The following TMCO4 variants were observed in gnomAD, a reference collection of about 807,000 sequenced individuals.
TMCO4 encodes transmembrane and coiled-coil domain-containing protein 4.
TMCO4 carries 58 observed loss-of-function variants against 64.7 expected under a neutral mutation model. The observed-to-expected ratio is 0.90, with a 90% CI of 0.73 to 1.12. The LOEUF (loss-of-function observed/expected upper bound fraction) is 1.12, where lower values mean the gene tolerates loss of function less well. TMCO4 is among the 50% of genes most tolerant of loss of function. The pLI is 0.00. For synonymous variants in TMCO4, 325 were observed against 346.1 expected (o/e 0.94, Z 0.68); for missense variants, 780 against 825.9 (o/e 0.94, Z 0.68).
chr1:19,683,305 G>A lies in TMCO4; in HGVS notation c.1640C>T (p.Ala547Val). ...CLPSEEPRQA[A>V]AAASSGETPH... ...GGTCTCGCCTGATGAGGCGGCAGCT[G>A]CTGCCTGGCGAGGCTCCTCGGAGGG... is the stretch of plus-strand genomic sequence containing the variant. The change falls in exon 16 of 16, where the codon GCA becomes GTA. Residue 547 changes from alanine to valine, a missense_variant. Ala to Val is a moderately conservative substitution (Grantham distance 64). Coordinates refer to ENST00000294543, the MANE Select transcript of TMCO4 (RefSeq NM_181719.7). The A allele has an allele frequency of 6.2e-7, 1 of 1,614,032 alleles. No homozygotes were observed. The highest frequency in any genetic ancestry group is 8.5e-7 in the Non-Finnish European group (1 of 1,179,948).
Position 19,745,562 on chromosome 1 carries a change from C to T in TMCO4, c.847G>A (p.Val283Ile), listed in dbSNP as rs749302097. 13 of 1,614,050 alleles carry T rather than the reference C, an allele frequency of 8.1e-6. No individual in the cohort carries two copies. The highest frequency in any genetic ancestry group is 2.2e-5 in the East Asian group (1 of 44,882). The stretch of plus-strand genomic sequence containing the variant: ...TTGCCAGAAGCGAGCCACCCCGTGA[C>T]GGCGATGGTGATGTGCAGCTGCCTG... ...EGRQLHITIA[V>I]TGWLASGKYR... Residue 283 changes from valine to isoleucine, a missense_variant, in exon 10 of 16, where the codon GTC (valine) becomes ATC (isoleucine). Coordinates refer to ENST00000294543, the MANE Select transcript of TMCO4 (RefSeq NM_181719.7).
intron 13 of TMCO4, among the ~76,000 whole-genome samples, chr1:19,722,670 G>A (rs745946059): frequency 2.0e-5 from 3 of 152,172 alleles, no homozygotes; most frequent in South Asian, 4.1e-4. Flanking sequence ...GCTACAGCAG[G>A]TGGTAGGAAA....
chr1:19,682,443 T>C lies in TMCO4; in HGVS notation c.*597A>G. The C allele has an allele frequency of 3.4e-6, 2 of 590,814 alleles. No individual in the cohort carries two copies. Among genetic ancestry groups the C allele is most frequent in the South Asian group, 2.1e-5 (1 of 48,716 alleles). 36.6% of individuals were successfully genotyped at this position (590,814 alleles called of 1,614,324 possible). A position where few individuals can be genotyped will look rare whatever the true frequency, so the allele number is the denominator to read the frequency against. ...ACTCACATTGTGTCTGTGTGACTCA[T>C]GTCCCTGGAGTTATGCAGCGCACAG... is the stretch of plus-strand genomic sequence containing the variant. On this transcript the variant is annotated 3_prime_UTR_variant, in exon 16 of 16. Coordinates refer to ENST00000294543, the MANE Select transcript of TMCO4 (RefSeq NM_181719.7).
At chr1:19,796,475 G>A (rs1460668131) in intron 2 of TMCO4, among the ~76,000 whole-genome samples, 2 of 152,060 alleles carry the variant, frequency 1.3e-5, no homozygotes, top group Non-Finnish European at 2.9e-5. Flanking sequence ...GAAGCCCAGG[G>A]CACCAGGGAT....
At chr1:19,728,768 G>A (rs566053782) in intron 13 of TMCO4, among the ~76,000 whole-genome samples, 1 of 152,346 alleles carries the variant, frequency 6.6e-6, no homozygotes, top group South Asian at 2.1e-4. Context: ...CACCCTCAGA[G>A]CCTGCCCCAC....
At chr1:19,789,571 G>A (rs931669483) in intron 2 of TMCO4, among the ~76,000 whole-genome samples, 5 of 151,982 alleles carry the variant, frequency 3.3e-5, no homozygotes, top group Non-Finnish European at 5.9e-5. Flanking sequence ...TTAGCATTTC[G>A]GTCATGAGCT....
Position 19,700,869 on chromosome 1 carries a change from G to C in TMCO4, c.1281C>G (p.Ile427Met), listed in dbSNP as rs200574088. Residue 427 changes from isoleucine to methionine, a missense_variant, in exon 14 of 16, where the codon ATC (isoleucine) becomes ATG (methionine). By Grantham distance (10) the Ile-to-Met change is conservative (BLOSUM62 1). Coordinates refer to ENST00000294543, the MANE Select transcript of TMCO4 (RefSeq NM_181719.7). ...MAQEKDCQGI[I>M]EDVILLGAPV... is the part of the protein sequence containing the mutation. ...GCGCACCCAGCAGGATGACGTCCTC[G>C]ATGATTCCTTGGCAATCTGGCAAAA... The C allele has an allele frequency of 1.9e-6, 3 of 1,614,066 alleles. No homozygotes were observed. Among genetic ancestry groups the C allele is most frequent in the African/African-American group, 2.7e-5 (2 of 74,942 alleles).
rs142352343 is a variant in TMCO4 at position 19,771,324 on chromosome 1, G to A, written c.338C>T (p.Pro113Leu). ...LLKDPILKDDPTVITQDLLSF... is the reference protein window; with the variant it reads ...LLKDPILKDDLTVITQDLLSF... The stretch of plus-strand genomic sequence containing the variant: ...TGGGTGTACCTGAGTGATCACCGTC[G>A]GGTCGTCCTTCAAGATGGGGTCCTT... The change falls in exon 5 of 16, where the codon CCG becomes CTG. Residue 113 changes from proline (P) to leucine (L), a missense_variant. Physicochemically the swap from Pro to Leu is moderately conservative, Grantham distance 98. Coordinates refer to ENST00000294543, the MANE Select transcript of TMCO4 (RefSeq NM_181719.7). 5.7e-5 allele frequency: 92 copies of A among 1,613,968 alleles called. No homozygotes were observed. Among genetic ancestry groups the A allele is most frequent in the East Asian group, 6.7e-5 (3 of 44,886 alleles).
Position 19,732,794 on chromosome 1 carries a change from G to A in TMCO4, c.1264+4578C>T, listed in dbSNP as rs1376437682. Among the ~76,000 whole-genome samples, 1 of 152,270 alleles carries A rather than the reference G, an allele frequency of 6.6e-6. No homozygotes were observed. Among genetic ancestry groups the A allele is most frequent in the Admixed American group, 6.5e-5 (1 of 15,306 alleles). On this transcript the variant is annotated intron_variant, in intron 13 of 15. Coordinates refer to ENST00000294543, the MANE Select transcript of TMCO4 (RefSeq NM_181719.7). The surrounding 1 kb of genome is among the most constrained non-coding windows in gnomAD (Gnocchi z 4.8). The stretch of plus-strand genomic sequence containing the variant: ...TTTTTTCTGAAGGTGACTACAGGGG[G>A]AAAATGCCAGCTGCACTTTTGTCCA...
At chr1:19,799,714 TC>T in intron 1 of TMCO4, 140 bp downstream of exon 1, 1 of 152,166 alleles carries the variant, frequency 6.6e-6, no homozygotes, top group Non-Finnish European at 1.5e-5. Context: ...GGGTCCAGTG[TC>T]CCCGGGGTGG....
chr1:19,727,168 C>T (rs1177125414), intron 13 of TMCO4, among the ~76,000 whole-genome samples: 1 of 152,154 alleles, frequency 6.6e-6, no homozygotes, highest in African/African-American at 2.4e-5. Context: ...CCTGGTGGGT[C>T]AGCTTCTGCG....
At chr1:19,792,799 C>A (rs1339096318) in intron 2 of TMCO4, among the ~76,000 whole-genome samples, 2 of 80,782 alleles carry the variant, frequency 2.5e-5, no homozygotes, top group Admixed American at 3.8e-4. Context: ...CAGACAAAGT[C>A]TTGTTCTGTT....
chr1:19,770,842 G>A (rs1032288191), intron 5 of TMCO4, among the ~76,000 whole-genome samples: 5 of 152,218 alleles, frequency 3.3e-5, no homozygotes, highest in Non-Finnish European at 5.9e-5. Flanking sequence ...TGCTTTAACT[G>A]CAGGCATAGC....
chr1:19,763,795 C>T (rs1294266903), intron 6 of TMCO4, among the ~76,000 whole-genome samples: 1 of 152,220 alleles, frequency 6.6e-6, no homozygotes, highest in African/African-American at 2.4e-5. Flanking sequence ...GAAGAAACTA[C>T]ACAGTATTCC....
intron 2 of TMCO4, among the ~76,000 whole-genome samples, chr1:19,792,602 T>A (rs74058651): frequency 6.6e-6 from 1 of 152,114 alleles, no homozygotes; most frequent in Admixed American, 6.5e-5. Context: ...AAATCAAATA[T>A]GGTCAATACC....
chr1:19,748,523 A>G (rs2100896392), intron 7 of TMCO4, among the ~76,000 whole-genome samples: 1 of 152,224 alleles, frequency 6.6e-6, no homozygotes, highest in Non-Finnish European at 1.5e-5. Context: ...TTCTCCAGTC[A>G]TCTAAAAGAA....
chr1:19,729,618 T>C (rs1250928393), intron 13 of TMCO4, among the ~76,000 whole-genome samples: 1 of 151,698 alleles, frequency 6.6e-6, no homozygotes, highest in African/African-American at 2.4e-5. Context: ...ATACAAAAAT[T>C]AGCTGGGTGT....
rs745618130 is a variant in TMCO4, at chr1:19,740,806, TG to T, written c.1012del (p.Gln338ArgfsTer4). On this transcript the variant is annotated frameshift_variant, in exon 11 of 16. Coordinates refer to ENST00000294543, the MANE Select transcript of TMCO4 (RefSeq NM_181719.7). LOFTEE classifies it high-confidence loss of function. ...CAACACTGTGTACTTTAGGGCCTCC[TG>T]GGCCACCATGTTGGCGAGACCACTG... ...ILSGLANMVA[Q>X]EALKYTVLSG... 1 of 1,613,666 alleles carries T rather than the reference TG, an allele frequency of 6.2e-7. No homozygotes were observed. The highest frequency in any genetic ancestry group is 2.2e-5 in the East Asian group (1 of 44,886).
chr1:19,752,005 G>A (rs1347111373), intron 7 of TMCO4, among the ~76,000 whole-genome samples: 2 of 151,452 alleles, frequency 1.3e-5, no homozygotes, highest in African/African-American at 4.9e-5. Flanking sequence ...CCGAGATGGC[G>A]CCACTGCACT....
Sources: allele counts gnomAD v4.1 joint callset (sites outside exome capture counted in the v4.1 genomes callset), GRCh38; gene constraint gnomAD v4.1.1; non-coding constraint Gnocchi (gnomAD v3.1); transcripts MANE v1.5; gene names NCBI Gene and HGNC (gene_info 2026-07-23, HGNC 2026-07-21).